The following RBM44 variants were observed in gnomAD, a reference collection of about 807,000 sequenced individuals.
RBM44 encodes RNA-binding protein 44.
In RBM44, 66 loss-of-function variants were observed where a neutral mutation model predicts 105.1. The ratio of observed to expected loss-of-function variants is 0.63; its 90% confidence interval spans 0.52 to 0.77. The LOEUF is 0.77. RBM44 is among the 30% of genes least tolerant of loss of function. RBM44 has a pLI of 0.00. For synonymous variants in RBM44, 365 were observed against 417.6 expected, an observed-to-expected ratio of 0.87 and a Z score of 1.54; for missense variants, 1,122 against 1,207.8, an observed-to-expected ratio of 0.93 and a Z score of 1.05.
At position 237,827,290 on chromosome 2, in the gene RBM44, T is replaced by C. The variant is rs140918913; in HGVS notation, c.2490T>C (p.Tyr830=). Residue 830 remains tyrosine (Y), a synonymous_variant, in exon 11 of 16, where the codon TAT becomes TAC. Coordinates refer to ENST00000316997, the MANE Select transcript of RBM44 (RefSeq NM_001080504.3). ...AACCCTCACAAAGAGATAAAGGTTA[T>C]TTGATACATGTTGGTGGCCTCTGCC... ...NVEPSQRDKG[Y]LIHVGGLCPS... is the part of the protein sequence containing the mutation. The C allele has an allele frequency of 1.3e-6, 2 of 1,595,842 alleles. No homozygotes were observed. Among genetic ancestry groups the C allele is most frequent in the African/African-American group, 1.3e-5 (1 of 74,814 alleles).
Position 237,829,225 on chromosome 2 carries a change from C to T in RBM44, c.2609C>T (p.Ser870Phe). The T allele has an allele frequency of 6.2e-7, 1 of 1,607,826 alleles. No homozygotes were observed. The highest frequency in any genetic ancestry group is 1.1e-5 in the South Asian group (1 of 90,202). ...IYDSTNYRYA[S>F]LAFTKNSDAK... ...CTGCTCTTATGTTTTAGATATGCAT[C>T]TCTTGCTTTTACAAAAAACAGCGAT... is the stretch of plus-strand genomic sequence containing the variant. The change falls in exon 13 of 16, where the codon TCT becomes TTT. Residue 870 changes from serine (S) to phenylalanine (F), a missense_variant. Physicochemically the swap from Ser to Phe is radical, Grantham distance 155. Around this residue, in one of 3 missense-constraint regions of RBM44, gnomAD observed 194 missense variants for 225.5 expected, o/e 0.86. Transcript: ENST00000316997.
chr2:237,830,708 T>C (rs1021278974), intron 13 of RBM44, among the ~76,000 whole-genome samples: 31 of 152,224 alleles, frequency 2.0e-4, no homozygotes, highest in African/African-American at 5.8e-4. Flanking sequence ...CAAAAATCAA[T>C]TGACCATGTT....
At position 237,818,123 on chromosome 2, in the gene RBM44, A is replaced by ACTG. The variant is rs1164936429; in HGVS notation, c.1208_1210dup (p.Ala403dup). 1 of 1,613,194 alleles carries ACTG rather than the reference A, an allele frequency of 6.2e-7. No individual in the cohort carries two copies. The highest frequency in any genetic ancestry group is 1.7e-5 in the Admixed American group (1 of 59,838). ...TGGATATTATGAAAGCCTACAAAAC[A>ACTG]CTGCTGACTCAGCCTTAGATTTTTC... On this transcript the variant is annotated inframe_insertion, in exon 3 of 16. Transcript: ENST00000316997. This position sits in a 1 kb window ranked among gnomAD's most constrained non-coding sequence, Gnocchi z 4.6.
chr2:237,804,493 A>G (rs1038130475), intron 1 of RBM44, among the ~76,000 whole-genome samples: 1 of 152,144 alleles, frequency 6.6e-6, no homozygotes, highest in African/African-American at 2.4e-5. Flanking sequence ...CTGGTGTGAG[A>G]TGGTATTAAT....
At chr2:237,814,014 G>C (rs1398287119) in intron 2 of RBM44, among the ~76,000 whole-genome samples, 1 of 152,104 alleles carries the variant, frequency 6.6e-6, no homozygotes, top group African/African-American at 2.4e-5. Flanking sequence ...AGTTGTATAT[G>C]TTTTCTTCTT....
At chr2:237,800,609 A>T (rs1170474424) in intron 1 of RBM44, among the ~76,000 whole-genome samples, 1 of 152,184 alleles carries the variant, frequency 6.6e-6, no homozygotes, top group African/African-American at 2.4e-5. Context: ...TTAAGTAACG[A>T]ATGTATTTTC....
At chr2:237,840,984 G>A (rs2062006913) in intron 15 of RBM44, among the ~76,000 whole-genome samples, 1 of 152,234 alleles carries the variant, frequency 6.6e-6, no homozygotes, top group African/African-American at 2.4e-5. Flanking sequence ...ATGTAAATTA[G>A]TTCAGTCATT....
intron 4 of RBM44, 98 bp downstream of exon 4, chr2:237,819,057 TA>T: frequency 1.9e-6 from 1 of 521,370 alleles, no homozygotes; most frequent in Non-Finnish European, 3.4e-6. Context: ...GAATAATAGC[TA>T]AAATGGACTT....
At chr2:237,828,117 A>G (rs4663796) in intron 12 of RBM44, among the ~76,000 whole-genome samples, 19,872 of 152,176 alleles carry the variant, frequency 0.13, 1,692 homozygotes, top group East Asian at 0.41. Context: ...ATTTACATGT[A>G]GTCAGTCTGA....
chr2:237,801,667 A>G (rs533331205), intron 1 of RBM44, among the ~76,000 whole-genome samples: 63 of 152,312 alleles, frequency 4.1e-4, no homozygotes, highest in African/African-American at 1.4e-3. Context: ...TAGTTATCTT[A>G]TAATCTAAGA....
intron 13 of RBM44, 87 bp from the exon 14 acceptor site, chr2:237,833,910 T>C: frequency 1.5e-6 from 1 of 654,534 alleles, no homozygotes; most frequent in South Asian, 6.8e-5. Context: ...ATTTTAATTT[T>C]CAAATATATT....
Position 237,813,647 on chromosome 2 carries a change from A to G in RBM44, c.38A>G (p.Lys13Arg). ...ATAVVETASG[K>R]GYHSNGGNLQ... is the part of the protein sequence containing the mutation. ...GCAGTGGTGGAGACAGCATCTGGTAAAGGCTACCACAGTAATGGAGGCAAC... is the reference window on the plus strand; with the variant it reads ...GCAGTGGTGGAGACAGCATCTGGTAGAGGCTACCACAGTAATGGAGGCAAC... Residue 13 changes from lysine to arginine, a missense_variant, in exon 2 of 16, where the codon AAA becomes AGA. This residue lies in a region of RBM44 where 918 missense variants were observed against 955.3 expected (regional missense o/e 0.96). Coordinates refer to ENST00000316997, the MANE Select transcript of RBM44 (RefSeq NM_001080504.3). The G allele has an allele frequency of 1.2e-6, 2 of 1,611,910 alleles. No individual in the cohort carries two copies. Among genetic ancestry groups the G allele is most frequent in the Non-Finnish European group, 1.7e-6 (2 of 1,178,166 alleles).
intron 13 of RBM44, among the ~76,000 whole-genome samples, chr2:237,832,186 A>C (rs1240032683): frequency 1.4e-5 from 2 of 143,208 alleles, no homozygotes; most frequent in Non-Finnish European, 3.0e-5. Flanking sequence ...ACAGGATCTC[A>C]CTCTGTCACC....
rs1436559958 is a variant in RBM44, at chr2:237,821,338, C to T, written c.2098-8C>T. The T allele has an allele frequency of 1.3e-6, 2 of 1,563,034 alleles. No individual in the cohort carries two copies. The highest frequency in any genetic ancestry group is 1.9e-5 in the Admixed American group (1 of 52,794). On this transcript the variant is annotated splice_region_variant and splice_polypyrimidine_tract_variant and intron_variant, in intron 6 of 15. Coordinates refer to ENST00000316997, the MANE Select transcript of RBM44 (RefSeq NM_001080504.3). ...ACAAAGATTTTTTTTCCTTTTCTCT[C>T]CTTCCAGCTAATGAAAAAAGAAACA...
rs1411964528 is a variant in RBM44 at position 237,821,087 on chromosome 2, T to C, written c.1930T>C (p.Ser644Pro). 3.2e-6 allele frequency: 5 copies of C among 1,582,440 alleles called. No individual in the cohort carries two copies. In the African/African-American group the frequency reaches 5.5e-5, roughly 17 times the overall value. ...TTTGAACAGGAATTTATCAAGTAAT[T>C]CTGCTAAGAAGGAATTGGGATCAGC... Reference protein sequence around the residue: ...EGLNMNLSSNSAKKELGSALL... With the variant: ...EGLNMNLSSNPAKKELGSALL... Residue 644 changes from serine (S) to proline (P), a missense_variant, in exon 6 of 16, where the codon TCT (serine) becomes CCT (proline). By Grantham distance (74) the Ser-to-Pro change is moderately conservative. This residue lies in a region of RBM44 where 918 missense variants were observed against 955.3 expected (regional missense o/e 0.96). Transcript: ENST00000316997.
chr2:237,829,057 A>G (rs74272434), intron 12 of RBM44, among the ~76,000 whole-genome samples, 160 bp from the exon 13 acceptor site: 3,643 of 152,172 alleles, frequency 0.024, 58 homozygotes, highest in Middle Eastern at 0.085. Context: ...GTTATCCTAA[A>G]TAAATATTCT....
In RBM44 at chr2:237,818,435, C is replaced by A. The variant is rs759930988; in HGVS notation, c.1516C>A (p.Arg506=). The A allele has an allele frequency of 1.9e-6, 3 of 1,612,958 alleles. No individual in the cohort carries two copies. The highest frequency in any genetic ancestry group is 1.7e-6 in the Non-Finnish European group (2 of 1,179,466). Residue 506 remains arginine, a synonymous_variant, in exon 3 of 16, where the codon CGA becomes AGA. Coordinates refer to ENST00000316997, the MANE Select transcript of RBM44 (RefSeq NM_001080504.3). This position sits in a 1 kb window ranked among gnomAD's most constrained non-coding sequence, Gnocchi z 4.6. ...NTEITMMNKK[R]PDEWQNEKQK... is the part of the protein sequence containing the mutation. Reference sequence around the variant, plus strand: ...AGAGATAACAATGATGAATAAAAAACGACCTGATGAATGGCAAAATGAGAA... The same window carrying A: ...AGAGATAACAATGATGAATAAAAAAAGACCTGATGAATGGCAAAATGAGAA...
intron 8 of RBM44, 65 bp downstream of exon 8, chr2:237,821,892 T>A (rs761226036): frequency 3.3e-5 from 36 of 1,101,178 alleles, no homozygotes; most frequent in Non-Finnish European, 4.6e-5. Context: ...AAGTAAATCA[T>A]AATTTTCAGA....
intron 4 of RBM44, 53 bp from the exon 5 acceptor site, chr2:237,820,122 T>A (rs2061767867): frequency 2.5e-5 from 25 of 1,008,756 alleles, no homozygotes; most frequent in Non-Finnish European, 3.5e-5. Context: ...GGCATGTTAT[T>A]ACTATAGAAA....
Sources: gnomAD v4.1 joint callset for allele counts (sites outside exome capture counted in the v4.1 genomes callset) on GRCh38, gnomAD v4.1.1 for gene constraint, gnomAD v4.1.1 regional missense constraint, Gnocchi (gnomAD v3.1) non-coding constraint, MANE v1.5 for transcripts, NCBI Gene and HGNC (gene_info 2026-07-23, HGNC 2026-07-21) for gene names.